Variants in PID1 observed in about 807,000 individuals in gnomAD.
PID1 encodes PTB-containing, cubilin and LRP1-interacting protein.
A neutral mutation model predicts 19.1 loss-of-function variants in PID1; 10 were observed. The ratio of observed to expected loss-of-function variants is 0.52; its 90% CI spans 0.32 to 0.89. The LOEUF is 0.89. Among genes scored for constraint, PID1 ranks in the 40% least tolerant of loss-of-function variants. The pLI is 0.03. For synonymous variants in PID1, 130 were observed against 116.0 expected (o/e 1.12, Z -0.78); for missense variants, 248 against 285.3 (o/e 0.87, Z 0.94).
chr2:229,072,630 T>C (rs958884076), intron 2 of PID1, among the ~76,000 whole-genome samples: 1 of 152,032 alleles, frequency 6.6e-6, no homozygotes, highest in African/African-American at 2.4e-5. Flanking sequence ...TGTCCAAATC[T>C]AGTGGTAGAT....
chr2:229,260,463 CATAT>C (rs3084671), intron 1 of PID1, among the ~76,000 whole-genome samples: 27 of 147,884 alleles, frequency 1.8e-4, no homozygotes, highest in Admixed American at 3.4e-4. Context: ...TAAAAAGTTG[CATAT>C]ATATATATAT....
At chr2:229,046,351 T>TGTGTGA (rs1261390815) in intron 2 of PID1, among the ~76,000 whole-genome samples, 3 of 143,352 alleles carry the variant, frequency 2.1e-5, no homozygotes, top group African/African-American at 8.1e-5. Flanking sequence ...TAGGAAAGTG[T>TGTGTGA]GTGTGTGTGT....
At chr2:229,126,320 A>C (rs1197378846) in intron 2 of PID1, among the ~76,000 whole-genome samples, 1 of 152,166 alleles carries the variant, frequency 6.6e-6, no homozygotes, top group African/African-American at 2.4e-5. Context: ...ATTGTGCTAC[A>C]CAAAAAAGAC....
rs576211404 is a variant in PID1 at position 229,095,308 on chromosome 2, C to A, written c.177+60510G>T. ...CACAAATAAAATGAGACTTTCAATTCTCTAATGGTAGAAATTAAATGACCA... is the reference window on the plus strand; with the variant it reads ...CACAAATAAAATGAGACTTTCAATTATCTAATGGTAGAAATTAAATGACCA... On this transcript the variant is annotated intron_variant, in intron 2 of 2. Transcript: ENST00000392055. Among the ~76,000 whole-genome samples, 13 of 152,240 alleles carry A rather than the reference C, an allele frequency of 8.5e-5. No homozygotes were observed. The South Asian group carries it at 2.3e-3, about 27-fold the overall frequency.
At chr2:229,072,074 T>C (rs957712984) in intron 2 of PID1, among the ~76,000 whole-genome samples, 19 of 152,362 alleles carry the variant, frequency 1.2e-4, no homozygotes, top group African/African-American at 4.3e-4. Context: ...CTCCTCTTGT[T>C]AGCAAAATTT....
rs1345315807 is a variant in PID1 at position 229,024,419 on chromosome 2, C to T, written c.*1213G>A. 1 of 152,462 alleles carries T rather than the reference C, an allele frequency of 6.6e-6. No individual in the cohort carries two copies. The highest frequency in any genetic ancestry group is 1.5e-5 in the Non-Finnish European group (1 of 68,014). 9.4% of individuals were successfully genotyped at this position (152,462 alleles called of 1,614,324 possible). A position where few individuals can be genotyped will look rare whatever the true frequency, so the allele number is the denominator to read the frequency against. ...CTCTGTGTTTATAATATTTAAAGAACCATGAAATTAAGAAATCTCAGGATT... is the reference window on the plus strand; with the variant it reads ...CTCTGTGTTTATAATATTTAAAGAATCATGAAATTAAGAAATCTCAGGATT... On this transcript the variant is annotated 3_prime_UTR_variant, in exon 3 of 3. Transcript: ENST00000392055.
At chr2:229,119,463 T>C (rs1380497303) in intron 2 of PID1, among the ~76,000 whole-genome samples, 1 of 152,160 alleles carries the variant, frequency 6.6e-6, no homozygotes, top group Admixed American at 6.5e-5. Flanking sequence ...TGAAAATAAT[T>C]CAAATGCTTT....
chr2:229,126,993 C>A (rs1195561138), intron 2 of PID1, among the ~76,000 whole-genome samples: 1 of 152,222 alleles, frequency 6.6e-6, no homozygotes, highest in Non-Finnish European at 1.5e-5. Flanking sequence ...CTCCGCCATT[C>A]CCCAAGTCCT....
At chr2:229,187,394 T>A (rs188322016) in intron 1 of PID1, among the ~76,000 whole-genome samples, 48 of 152,256 alleles carry the variant, frequency 3.2e-4, no homozygotes, top group African/African-American at 1.2e-3. Context: ...GACTTACAGT[T>A]CCACATGGCT....
At chr2:229,119,607 C>G (rs1574644189) in intron 2 of PID1, among the ~76,000 whole-genome samples, 1 of 152,118 alleles carries the variant, frequency 6.6e-6, no homozygotes, top group African/African-American at 2.4e-5. Context: ...GGCAAGGTGT[C>G]AAAGGCACAG....
intron 2 of PID1, among the ~76,000 whole-genome samples, chr2:229,091,355 C>T (rs1694874401): frequency 7.3e-6 from 1 of 136,702 alleles, no homozygotes; most frequent in South Asian, 2.2e-4. Flanking sequence ...ACAAAAACTC[C>T]CTCTGGTAAA....
chr2:229,224,137 T>TATTC (rs1359167994), intron 1 of PID1, among the ~76,000 whole-genome samples: 6 of 152,208 alleles, frequency 3.9e-5, no homozygotes, highest in Non-Finnish European at 8.8e-5. Flanking sequence ...GGCTATGTAG[T>TATTC]ATTCCAAGGT....
chr2:229,139,562 C>A (rs1689968569), intron 2 of PID1, among the ~76,000 whole-genome samples: 2 of 152,126 alleles, frequency 1.3e-5, no homozygotes, highest in African/African-American at 4.8e-5. Context: ...CCTCCTAAAT[C>A]TGAATATCCC....
At chr2:229,110,308 C>T (rs1455805999) in intron 2 of PID1, among the ~76,000 whole-genome samples, 1 of 152,150 alleles carries the variant, frequency 6.6e-6, no homozygotes, top group African/African-American at 2.4e-5. Flanking sequence ...GGAAGACAAG[C>T]TAAGAGGACC....
chr2:229,064,152 G>C (rs952305050), intron 2 of PID1, among the ~76,000 whole-genome samples: 1 of 152,118 alleles, frequency 6.6e-6, no homozygotes, highest in Admixed American at 6.6e-5. Context: ...TTATTTTCAG[G>C]AAGATCCTTC....
intron 2 of PID1, among the ~76,000 whole-genome samples, chr2:229,029,570 C>T (rs1693501847): frequency 6.6e-6 from 1 of 152,056 alleles, no homozygotes; most frequent in South Asian, 2.1e-4. Context: ...AGGCCGGGCG[C>T]AGTGGCTCAC....
chr2:229,216,632 A>G (rs1691852546), intron 1 of PID1, among the ~76,000 whole-genome samples: 1 of 152,172 alleles, frequency 6.6e-6, no homozygotes, highest in African/African-American at 2.4e-5. Context: ...AAAAGTAAAA[A>G]AATAAAAAAA....
At chr2:229,201,566 AAAT>A (rs142931762) in intron 1 of PID1, among the ~76,000 whole-genome samples, 1,939 of 152,210 alleles carry the variant, frequency 0.013, 46 homozygotes, top group African/African-American at 0.045. Context: ...TGGCTATTGT[AAAT>A]AATACTGCTA....
chr2:229,115,989 A>C (rs1372948555), intron 2 of PID1, among the ~76,000 whole-genome samples: 2 of 152,078 alleles, frequency 1.3e-5, no homozygotes, highest in African/African-American at 4.8e-5. Context: ...GGGAGGCCGA[A>C]GTGGGCAGAT....
Sources: allele counts gnomAD v4.1 joint callset (sites outside exome capture counted in the v4.1 genomes callset), GRCh38; gene constraint gnomAD v4.1.1; transcripts MANE v1.5; gene names NCBI Gene and HGNC (gene_info 2026-07-23, HGNC 2026-07-21).